Variants in ERCC5 observed in about 807,000 individuals in gnomAD.
ERCC5 encodes the protein DNA excision repair protein ERCC-5.
ERCC5 carries 68 observed loss-of-function variants against 105.6 expected under a neutral mutation model. The ratio of observed to expected loss-of-function variants is 0.64; its 90% confidence interval spans 0.53 to 0.79. The LOEUF (loss-of-function observed/expected upper bound fraction) is 0.79, where lower values mean the gene tolerates loss of function less well. ERCC5 is among the 30% of genes least tolerant of loss of function. The pLI is 0.00. For synonymous variants in ERCC5, 546 were observed against 526.2 expected, an observed-to-expected ratio of 1.04 and a Z score of -0.51; for missense variants, 1,373 against 1,426.7, an observed-to-expected ratio of 0.96 and a Z score of 0.61.
rs1482956182 is a variant in ERCC5 at position 102,861,510 on chromosome 13, T to G, written c.676T>G (p.Ser226Ala). 1.9e-6 allele frequency: 3 copies of G among 1,614,038 alleles called. No individual in the cohort carries two copies. Among genetic ancestry groups the G allele is most frequent in the Non-Finnish European group, 2.5e-6 (3 of 1,179,986 alleles). ...RTLFEAMPEESDDFSQYQLKG... is the reference protein window; with the variant it reads ...RTLFEAMPEEADDFSQYQLKG... ...TGTTTGTTTATTTTGCCTTTAGGAG[T>G]CTGATGACTTTTCACAGTACCAACT... Residue 226 changes from serine to alanine, a missense_variant, in exon 7 of 15, where the codon TCT becomes GCT. This residue lies in a region of ERCC5 where 1,004 missense variants were observed against 1,059.7 expected (regional missense o/e 0.95). Transcript: ENST00000652225.
intron 7 of ERCC5, 63 bp from the exon 8 acceptor site, chr13:102,861,967 T>A (rs1362177477): frequency 1.3e-6 from 2 of 1,587,714 alleles, no homozygotes; most frequent in African/African-American, 2.7e-5. Flanking sequence ...TTATCCATCT[T>A]ACTAGAAGCG....
intron 5 of ERCC5, among the ~76,000 whole-genome samples, chr13:102,856,973 G>A (rs1882447492): frequency 6.6e-6 from 1 of 152,188 alleles, no homozygotes; most frequent in Non-Finnish European, 1.5e-5. Context: ...GCTAGTTACT[G>A]CCCTATGGAA....
At position 102,862,045 on chromosome 13, in the gene ERCC5, CA is replaced by C; in HGVS notation, c.897del (p.Val300LeufsTer22). 6.2e-7 allele frequency: 1 copy of C among 1,614,190 alleles called. No individual in the cohort carries two copies. The highest frequency in any genetic ancestry group is 8.5e-7 in the Non-Finnish European group (1 of 1,180,026). On this transcript the variant is annotated frameshift_variant, in exon 8 of 15. Transcript: ENST00000652225. LOFTEE classifies it high-confidence loss of function. ...YILIKGIQAK[T>X]VAEVDSESLP... is the part of the protein sequence containing the mutation. ...TCTTCTTAAGGTATTCAAGCTAAGA[CA>C]GTTGCAGAAGTGGATTCAGAGTCTC...
At chr13:102,864,878 T>C (rs1305295965) in intron 8 of ERCC5, 1 of 152,450 alleles carries the variant, frequency 6.6e-6, no homozygotes, top group Non-Finnish European at 1.5e-5. Flanking sequence ...CATGAGTTTA[T>C]ACTGACATCT....
chr13:102,873,388 G>C, intron 14 of ERCC5, 45 bp downstream of exon 14: 2 of 1,610,496 alleles, frequency 1.2e-6, no homozygotes, highest in Non-Finnish European at 1.7e-6. Context: ...TGAAGGGTAG[G>C]CTGTGGTTGA....
intron 5 of ERCC5, 61 bp from the exon 6 acceptor site, chr13:102,858,214 G>A (rs1882494547): frequency 3.7e-6 from 6 of 1,607,050 alleles, no homozygotes; most frequent in African/African-American, 1.3e-5. Flanking sequence ...TATCCTTAAT[G>A]TTGAATAGAA....
chr13:102,848,854 G>A (rs1352503484), intron 1 of ERCC5, among the ~76,000 whole-genome samples: 2 of 151,986 alleles, frequency 1.3e-5, no homozygotes, highest in Non-Finnish European at 2.9e-5. Flanking sequence ...CTCAACCCTA[G>A]CTGAGAATTG....
intron 7 of ERCC5, 115 bp from the exon 8 acceptor site, chr13:102,861,915 A>G: frequency 6.8e-7 from 1 of 1,463,944 alleles, no homozygotes; most frequent in Non-Finnish European, 9.5e-7. Context: ...GTTGCCGATT[A>G]AATGAAAATG....
rs543271636 is a variant in ERCC5 at position 102,850,027 on chromosome 13, C to T, written c.89-2091C>T. Among the ~76,000 whole-genome samples, 10 of 151,736 alleles carry T rather than the reference C, an allele frequency of 6.6e-5. 1 individual carries two copies. Among genetic ancestry groups the T allele is most frequent in the East Asian group, 3.9e-4 (2 of 5,138 alleles). On this transcript the variant is annotated intron_variant, in intron 1 of 14. Transcript: ENST00000652225. ...CGTGATCTTGGCTCACTGCAACCTTCGCCTCCCAGGTTCAATCGATTCTCC... is the reference window on the plus strand; with the variant it reads ...CGTGATCTTGGCTCACTGCAACCTTTGCCTCCCAGGTTCAATCGATTCTCC...
intron 12 of ERCC5, among the ~76,000 whole-genome samples, chr13:102,869,598 C>T (rs1882967596): frequency 6.6e-6 from 1 of 152,050 alleles, no homozygotes; most frequent in Non-Finnish European, 1.5e-5. Context: ...CTATTATCAA[C>T]GATGATATAG....
chr13:102,860,579 A>G (rs987563422), intron 6 of ERCC5, among the ~76,000 whole-genome samples: 7 of 152,208 alleles, frequency 4.6e-5, no homozygotes, highest in Non-Finnish European at 2.9e-5. Flanking sequence ...AATCAATTGT[A>G]GTAAATTGAC....
chr13:102,871,207 C>G (rs4150357), intron 12 of ERCC5, among the ~76,000 whole-genome samples: 3,611 of 152,236 alleles, frequency 0.024, 113 homozygotes, highest in African/African-American at 0.077. Context: ...ATGTTGGAGC[C>G]AAGAGCAGGA....
At chr13:102,873,368 A>G (rs771788200) in intron 14 of ERCC5, 25 bp downstream of exon 14, 3 of 1,613,470 alleles carry the variant, frequency 1.9e-6, no homozygotes, top group South Asian at 1.1e-5. Flanking sequence ...CCCTTCTCCT[A>G]AGTTCAGGAT....
Position 102,866,348 on chromosome 13 carries a change from T to A in ERCC5, c.2286T>A (p.Ala762=). ...AACAGCAGCAAGAACGGATCGCTGCTACTGTCACCGGACAGATGTTCCTGG... is the reference window on the plus strand; with the variant it reads ...AACAGCAGCAAGAACGGATCGCTGCAACTGTCACCGGACAGATGTTCCTGG... The part of the protein sequence containing the change: ...AQKQQQERIA[A]TVTGQMFLES... The change falls in exon 10 of 15, where the codon GCT becomes GCA. Residue 762 remains alanine, a synonymous_variant. Transcript: ENST00000652225. The A allele has an allele frequency of 6.2e-7, 1 of 1,614,176 alleles. No individual in the cohort carries two copies. The highest frequency in any genetic ancestry group is 8.5e-7 in the Non-Finnish European group (1 of 1,180,002).
chr13:102,848,428 G>A (rs986686876), intron 1 of ERCC5, among the ~76,000 whole-genome samples: 4 of 152,148 alleles, frequency 2.6e-5, no homozygotes, highest in Non-Finnish European at 2.9e-5. Context: ...CAGTCTAAAT[G>A]TCTGTGTCAA....
intron 1 of ERCC5, among the ~76,000 whole-genome samples, chr13:102,848,165 C>CATA (rs10646547): frequency 1 from 152,075 of 152,380 alleles, 75,886 homozygotes; most frequent in Middle Eastern, 1. Context: ...ACATTCTAGT[C>CATA]ATGACAACCT....
At chr13:102,863,895 A>T (rs1882738019) in intron 8 of ERCC5, among the ~76,000 whole-genome samples, 1 of 152,172 alleles carries the variant, frequency 6.6e-6, no homozygotes, top group African/African-American at 2.4e-5. Flanking sequence ...CACACAGGTC[A>T]CTAATTTGTT....
rs1354959502 is a variant in ERCC5, at chr13:102,862,511, A to G, written c.1362A>G (p.Ala454=). 1.2e-6 allele frequency: 2 copies of G among 1,614,194 alleles called. No individual in the cohort carries two copies. Residue 454 remains alanine (A), a synonymous_variant, in exon 8 of 15, where the codon GCA becomes GCG. Coordinates refer to ENST00000652225, the MANE Select transcript of ERCC5 (RefSeq NM_000123.4). ...TTGCGTCATCTAGTGTGAACTCTGC[A>G]GAGGAGCACGTAGCCAGCACTAATG... The part of the protein sequence containing the change: ...ATLASSSVNS[A]EEHVASTNEG...
chr13:102,851,545 G>A (rs1595376306), intron 1 of ERCC5, among the ~76,000 whole-genome samples: 1 of 152,042 alleles, frequency 6.6e-6, no homozygotes, highest in African/African-American at 2.4e-5. Context: ...CACCTGCCTC[G>A]GCCTCCCAAA....
Sources: allele counts gnomAD v4.1 joint callset (sites outside exome capture counted in the v4.1 genomes callset), GRCh38; gene constraint gnomAD v4.1.1; regional missense constraint gnomAD v4.1.1; transcripts MANE v1.5; gene names NCBI Gene and HGNC (gene_info 2026-07-23, HGNC 2026-07-21).